EMC3: variants seen among roughly 807,000 people sequenced by gnomAD.
The protein encoded by EMC3 is 30 kDa protein.
EMC3 carries 13 observed loss-of-function variants against 36.6 expected under a neutral mutation model. The ratio of observed to expected loss-of-function variants is 0.35; its 90% CI spans 0.23 to 0.56. EMC3 has a LOEUF of 0.56. EMC3 is among the 20% of genes least tolerant of loss of function. The pLI is 0.84. For synonymous variants in EMC3, 120 were observed against 111.9 expected (o/e 1.07, Z -0.46); for missense variants, 220 against 324.5 (o/e 0.68, Z 2.47).
chr3:9,981,731 G>A (rs1335345848), intron 1 of EMC3: 5 of 440,046 alleles, frequency 1.1e-5, no homozygotes, highest in Non-Finnish European at 2.3e-5. Flanking sequence ...CATTGCACCA[G>A]GCCTGAAAGA....
intron 1 of EMC3, among the ~76,000 whole-genome samples, chr3:9,983,346 C>T (rs998190082): frequency 1.3e-5 from 2 of 151,972 alleles, no homozygotes; most frequent in Non-Finnish European, 1.5e-5. Context: ...TGGGGTTTCA[C>T]CATGTTGGCC....
At chr3:9,992,590 G>C (rs1348664148) in intron 1 of EMC3, among the ~76,000 whole-genome samples, 1 of 152,144 alleles carries the variant, frequency 6.6e-6, no homozygotes. Flanking sequence ...GCAAGTGATT[G>C]AATCTTTTAA....
chr3:9,985,894 C>G (rs1242675487), intron 1 of EMC3, among the ~76,000 whole-genome samples: 1 of 151,984 alleles, frequency 6.6e-6, no homozygotes, highest in African/African-American at 2.4e-5. Context: ...AACTCCGTCT[C>G]AAAAATAAGC....
At chr3:9,969,567 A>AACTATGT (rs1309069891) in intron 7 of EMC3, 152 bp downstream of exon 7, 1 of 1,521,376 alleles carries the variant, frequency 6.6e-7, no homozygotes, top group Non-Finnish European at 8.8e-7. Context: ...ATTCTGTCTC[A>AACTATGT]GGAAAGAGAG....
intron 1 of EMC3, among the ~76,000 whole-genome samples, chr3:9,979,313 A>G (rs1421571556): frequency 6.6e-6 from 1 of 152,228 alleles, no homozygotes; most frequent in Non-Finnish European, 1.5e-5. Flanking sequence ...AATATTTTAC[A>G]AAAGTATTAG....
upstream of EMC3, chr3:9,988,140 G>A (rs61678284): frequency 0.011 from 6,220 of 546,714 alleles, 315 homozygotes; most frequent in African/African-American, 0.11. Context: ...TTTACATCTA[G>A]TATTATATCG....
upstream of EMC3, among the ~76,000 whole-genome samples, chr3:9,990,018 A>G (rs1172835130): frequency 1.5e-5 from 2 of 134,288 alleles, no homozygotes; most frequent in Admixed American, 1.5e-4. Context: ...ATACACTCCC[A>G]GTGTTTTCTC....
intron 1 of EMC3, among the ~76,000 whole-genome samples, chr3:10,001,763 C>T (rs1333086404): frequency 1.3e-5 from 2 of 151,948 alleles, no homozygotes; most frequent in Non-Finnish European, 2.9e-5. Flanking sequence ...TATGAGAGAC[C>T]GAGGCGGGCA....
At chr3:9,965,035 G>C (rs1319370092) in intron 7 of EMC3, among the ~76,000 whole-genome samples, 1 of 151,648 alleles carries the variant, frequency 6.6e-6, no homozygotes, top group Non-Finnish European at 1.5e-5. Context: ...CCAGGAGTTT[G>C]GGACTGCCCT....
intron 1 of EMC3, among the ~76,000 whole-genome samples, chr3:10,007,912 C>T (rs1316130008): frequency 6.6e-6 from 1 of 152,152 alleles, no homozygotes; most frequent in African/African-American, 2.4e-5. Flanking sequence ...AGATAAGATT[C>T]TCCTTCCCCA....
At chr3:9,997,523 G>C (rs1050667814) in intron 1 of EMC3, among the ~76,000 whole-genome samples, 3 of 152,106 alleles carry the variant, frequency 2.0e-5, no homozygotes, top group Admixed American at 6.5e-5. Context: ...GCAGTGGCAC[G>C]ATATCAGCTT....
upstream of EMC3, chr3:9,986,930 G>A: frequency 8.0e-7 from 1 of 1,243,522 alleles, no homozygotes; most frequent in Non-Finnish European, 1.0e-6. Context: ...AACTATCGGC[G>A]GTGGCCCAGG....
intron 1 of EMC3, among the ~76,000 whole-genome samples, chr3:10,006,033 C>G (rs1459200279): frequency 2.0e-5 from 3 of 152,236 alleles, no homozygotes; most frequent in African/African-American, 4.8e-5. Flanking sequence ...GCCAGTACAC[C>G]TGCCAGCCTA....
intron 1 of EMC3, among the ~76,000 whole-genome samples, chr3:9,985,177 T>C (rs2085956913): frequency 6.6e-6 from 1 of 152,208 alleles, no homozygotes; most frequent in Admixed American, 6.5e-5. Context: ...CCCATCTATA[T>C]GATTTTAAAG....
At chr3:9,987,003 C>T (rs1037728763), upstream of EMC3, 25 of 1,075,388 alleles carry the variant, frequency 2.3e-5, no homozygotes, top group Non-Finnish European at 2.6e-5. Context: ...ATCACGAGGT[C>T]AGGGGATCGA....
intron 1 of EMC3, among the ~76,000 whole-genome samples, chr3:10,005,731 C>G (rs1463178749): frequency 6.6e-6 from 1 of 152,180 alleles, no homozygotes; most frequent in African/African-American, 2.4e-5. Context: ...CCCAAACAAT[C>G]CAGCTCATGG....
intron 5 of EMC3, 38 bp from the exon 6 acceptor site, chr3:9,970,699 A>G: frequency 1.2e-6 from 2 of 1,606,658 alleles, no homozygotes; most frequent in East Asian, 2.2e-5. Flanking sequence ...GTTAGTTATT[A>G]TATCAGAGAG....
chr3:9,990,390 G>A (rs1329348373), upstream of EMC3, among the ~76,000 whole-genome samples: 2 of 144,116 alleles, frequency 1.4e-5, no homozygotes, highest in Admixed American at 7.0e-5. Flanking sequence ...GGTGGAGTGC[G>A]GTGACAGCAT....
intron 5 of EMC3, 27 bp from the exon 6 acceptor site, chr3:9,970,688 G>A (rs113521790): frequency 6.2e-7 from 1 of 1,611,624 alleles, no homozygotes; most frequent in South Asian, 1.1e-5. Flanking sequence ...AAAATGGTGT[G>A]GTTAGTTATT....
Sources: gnomAD v4.1 joint callset for allele counts (sites outside exome capture counted in the v4.1 genomes callset) on GRCh38, gnomAD v4.1.1 for gene constraint, MANE v1.5 for transcripts, NCBI Gene and HGNC (gene_info 2026-07-23, HGNC 2026-07-21) for gene names.